YEATS2: variants seen among roughly 807,000 people sequenced by gnomAD.
YEATS2 encodes YEATS domain-containing protein 2.
Under a neutral mutation model 163.2 loss-of-function variants are expected in YEATS2, and 77 were observed. The observed-to-expected ratio is 0.47, with a 90% CI of 0.39 to 0.57. The LOEUF is 0.57. YEATS2 is among the 20% of genes least tolerant of loss of function. YEATS2 has a pLI of 0.00. For synonymous variants in YEATS2, 631 were observed against 645.1 expected, an observed-to-expected ratio of 0.98 and a Z score of 0.33; for missense variants, 1,549 against 1,729.8, an observed-to-expected ratio of 0.90 and a Z score of 1.85.
chr3:183,806,526 A>G, intron 27 of YEATS2: 1 of 435,490 alleles, frequency 2.3e-6, no homozygotes. Flanking sequence ...CTGCATTTCT[A>G]AATTTTCCAG....
At chr3:183,730,054 T>G (rs1320416314) in intron 7 of YEATS2, among the ~76,000 whole-genome samples, 1 of 17,122 alleles carries the variant, frequency 5.8e-5, no homozygotes, top group African/African-American at 3.9e-4. Context: ...TTTTGTTTGT[T>G]TTTTTTTTTT....
chr3:183,718,671 C>A, intron 4 of YEATS2, 79 bp downstream of exon 4: 1 of 1,086,984 alleles, frequency 9.2e-7, no homozygotes, highest in Non-Finnish European at 1.3e-6. Context: ...ATATGGAATC[C>A]CTGCATCTGA....
chr3:183,737,603 A>G (rs1718480959), intron 8 of YEATS2, among the ~76,000 whole-genome samples: 1 of 152,234 alleles, frequency 6.6e-6, no homozygotes, highest in Non-Finnish European at 1.5e-5. Flanking sequence ...AAAGTGGGGC[A>G]AATAATAATG....
chr3:183,720,509 A>G (rs971922793), intron 4 of YEATS2, among the ~76,000 whole-genome samples: 1 of 152,144 alleles, frequency 6.6e-6, no homozygotes, highest in Non-Finnish European at 1.5e-5. Flanking sequence ...GGTGCTTGTC[A>G]TGTTTAGGCC....
intron 8 of YEATS2, among the ~76,000 whole-genome samples, chr3:183,746,030 C>T (rs958793671): frequency 2.6e-5 from 4 of 152,028 alleles, no homozygotes; most frequent in Admixed American, 6.6e-5. Context: ...GTTGAGGTCT[C>T]GCCATGTTGC....
At chr3:183,803,053 T>A in intron 25 of YEATS2, 2 of 580,698 alleles carry the variant, frequency 3.4e-6, no homozygotes, top group Non-Finnish European at 6.2e-6. Context: ...CCCAGGAAGG[T>A]GTGTTGCTTT....
At chr3:183,719,166 T>C (rs76396205) in intron 4 of YEATS2, among the ~76,000 whole-genome samples, 1 of 151,798 alleles carries the variant, frequency 6.6e-6, no homozygotes, top group African/African-American at 2.4e-5. Context: ...TTTTTTTTTT[T>C]TGTTTGTTTT....
chr3:183,714,913 C>CTT (rs999638925), intron 1 of YEATS2, among the ~76,000 whole-genome samples: 68 of 140,510 alleles, frequency 4.8e-4, no homozygotes, highest in African/African-American at 1.7e-3. Context: ...ATTATGATTT[C>CTT]TTTTTTTTTT....
At chr3:183,705,841 C>T (rs1307989475) in intron 1 of YEATS2, among the ~76,000 whole-genome samples, 2 of 152,012 alleles carry the variant, frequency 1.3e-5, no homozygotes, top group African/African-American at 4.8e-5. Flanking sequence ...AGATCGAGAC[C>T]ATCCTGGCTA....
rs758515143 is a variant in YEATS2, at chr3:183,722,080, A to G, written c.481A>G (p.Ile161Val). 96 of 1,613,980 alleles carry G rather than the reference A, an allele frequency of 5.9e-5. No individual in the cohort carries two copies. The highest frequency in any genetic ancestry group is 2.7e-5 in the Non-Finnish European group (32 of 1,180,022). The change falls in exon 5 of 31, where the codon ATA (isoleucine) becomes GTA (valine). Residue 161 changes from isoleucine to valine, a missense_variant. By Grantham distance (29) the Ile-to-Val change is conservative (BLOSUM62 3). Transcript: ENST00000305135. The part of the protein sequence containing the change: ...SDKDNNSNMD[I>V]EERLSNNMEQ... Reference sequence around the variant, plus strand: ...CAAAGATAATAACAGCAATATGGATATAGAGGAAAGACTCTCAAACAACAT... The same window carrying G: ...CAAAGATAATAACAGCAATATGGATGTAGAGGAAAGACTCTCAAACAACAT...
Position 183,810,699 on chromosome 3 carries a change from C to T in YEATS2, c.*116C>T. ...GTGTGACTCGGCATGTCATGGCTAC[C>T]CAACCTTTGCCGCTGCCTGTTCCCA... is the stretch of plus-strand genomic sequence containing the variant. On this transcript the variant is annotated 3_prime_UTR_variant, in exon 31 of 31. Transcript: ENST00000305135. 3.4e-6 allele frequency: 3 copies of T among 873,880 alleles called. No individual in the cohort carries two copies. The highest frequency in any genetic ancestry group is 5.5e-6 in the Non-Finnish European group (3 of 548,606). 54.1% of individuals were successfully genotyped at this position (873,880 alleles called of 1,614,324 possible).
chr3:183,783,849 G>A (rs963080814), intron 19 of YEATS2, among the ~76,000 whole-genome samples: 1 of 152,284 alleles, frequency 6.6e-6, no homozygotes, highest in South Asian at 2.1e-4. Flanking sequence ...AGGGGTGCAT[G>A]TGTCTTTTTA....
intron 30 of YEATS2, among the ~76,000 whole-genome samples, chr3:183,809,704 G>A (rs1055348875): frequency 7.2e-5 from 11 of 152,180 alleles, no homozygotes; most frequent in Admixed American, 5.2e-4. Context: ...CTTTGATTAA[G>A]ACACTGAGTT....
At chr3:183,765,207 C>T (rs1721784870) in intron 15 of YEATS2, among the ~76,000 whole-genome samples, 1 of 152,134 alleles carries the variant, frequency 6.6e-6, no homozygotes, top group Non-Finnish European at 1.5e-5. Flanking sequence ...TCAGGCTTGT[C>T]GTATATGTAC....
At chr3:183,704,386 G>T (rs1271537098) in intron 1 of YEATS2, among the ~76,000 whole-genome samples, 1 of 152,072 alleles carries the variant, frequency 6.6e-6, no homozygotes, top group Non-Finnish European at 1.5e-5. Flanking sequence ...ATTTTCCTCT[G>T]ATGGTGACTT....
intron 1 of YEATS2, among the ~76,000 whole-genome samples, chr3:183,698,906 T>C (rs1713778771): frequency 1.3e-5 from 2 of 152,188 alleles, no homozygotes; most frequent in South Asian, 2.1e-4. Context: ...CTAGAGATAC[T>C]ACCCTTGGAT....
intron 20 of YEATS2, among the ~76,000 whole-genome samples, chr3:183,787,973 A>T (rs1259574874): frequency 6.6e-6 from 1 of 152,186 alleles, no homozygotes. Flanking sequence ...ACTCCACTCC[A>T]GCCTGGACAG....
Position 183,724,458 on chromosome 3 carries a change from C to A in YEATS2, c.577C>A (p.Arg193=). 1 of 1,613,560 alleles carries A rather than the reference C, an allele frequency of 6.2e-7. No homozygotes were observed. Among genetic ancestry groups the A allele is most frequent in the Non-Finnish European group, 8.5e-7 (1 of 1,179,784 alleles). The change falls in exon 6 of 31, where the codon CGG becomes AGG. Residue 193 remains arginine, a synonymous_variant. Coordinates refer to ENST00000305135, the MANE Select transcript of YEATS2 (RefSeq NM_018023.5). ...TACTGGCTCCCATAAAACAGAACAG[C>A]GGAATGCTGATCTCACAGATGAGAC... is the stretch of plus-strand genomic sequence containing the variant. ...RITGSHKTEQ[R]NADLTDETSR... is the part of the protein sequence containing the mutation.
intron 8 of YEATS2, among the ~76,000 whole-genome samples, chr3:183,738,359 A>G (rs543013456): frequency 7.7e-4 from 117 of 152,072 alleles, no homozygotes; most frequent in African/African-American, 2.7e-3. Context: ...CTCTGTGCCA[A>G]ACAGCCAAGT....
Sources: allele counts gnomAD v4.1 joint callset (sites outside exome capture counted in the v4.1 genomes callset), GRCh38; gene constraint gnomAD v4.1.1; transcripts MANE v1.5; gene names NCBI Gene and HGNC (gene_info 2026-07-23, HGNC 2026-07-21).